TULP4: variants seen among roughly 807,000 people sequenced by gnomAD.
TULP4 encodes the protein tubby-related protein 4.
TULP4 carries 16 observed loss-of-function variants against 129.0 expected under a neutral mutation model. That is an observed-to-expected ratio of 0.12 (90% CI 0.08 to 0.19). TULP4 has a LOEUF of 0.19. Among genes scored for constraint, TULP4 ranks in the 10% least tolerant of loss-of-function variants. TULP4 has a pLI of 1.00. For synonymous variants in TULP4, 998 were observed against 854.0 expected (o/e 1.17, Z -2.94); for missense variants, 1,842 against 2,059.1 (o/e 0.89, Z 2.04).
upstream of TULP4, among the ~76,000 whole-genome samples, chr6:158,277,344 T>TA (rs1263673017): frequency 4.6e-5 from 7 of 152,218 alleles, no homozygotes; most frequent in African/African-American, 1.4e-4. Flanking sequence ...TTGTAGCTAT[T>TA]AAAGAGTATC....
intron 1 of TULP4, among the ~76,000 whole-genome samples, chr6:158,397,594 ATTG>A (rs752395348): frequency 1.3e-5 from 2 of 151,380 alleles, no homozygotes; most frequent in Non-Finnish European, 2.9e-5. Flanking sequence ...GTCATCAGCT[ATTG>A]TTTTTGATGT....
intron 1 of TULP4, among the ~76,000 whole-genome samples, chr6:158,408,801 C>G (rs907814792): frequency 2.0e-5 from 3 of 152,212 alleles, no homozygotes; most frequent in Non-Finnish European, 4.4e-5. Flanking sequence ...GCTTTTGGTT[C>G]GTTAAAATGA....
intron 6 of TULP4, among the ~76,000 whole-genome samples, chr6:158,474,871 G>T (rs1016394772): frequency 1.3e-5 from 2 of 152,088 alleles, no homozygotes; most frequent in Admixed American, 1.3e-4. Flanking sequence ...AGCATTTTGG[G>T]TTTCAGATTT....
At chr6:158,347,262 TATAA>T (rs373869993) in intron 1 of TULP4, among the ~76,000 whole-genome samples, 343 of 152,356 alleles carry the variant, frequency 2.3e-3, no homozygotes, top group Non-Finnish European at 3.7e-3. Flanking sequence ...GTATATTTCA[TATAA>T]ATGAGAACCT....
At chr6:158,415,207 T>A (rs1160552875) in intron 2 of TULP4, among the ~76,000 whole-genome samples, 18 of 152,216 alleles carry the variant, frequency 1.2e-4, no homozygotes, top group Non-Finnish European at 7.3e-5. Context: ...GTGGTGTTAC[T>A]GGTGTGAACA....
At chr6:158,237,836 G>C in intron 1 of TULP4, 2 of 758,904 alleles carry the variant, frequency 2.6e-6, no homozygotes, top group South Asian at 2.7e-5. Context: ...TGTTTACTAA[G>C]AGCTGTGCCT....
intron 1 of TULP4, among the ~76,000 whole-genome samples, chr6:158,303,176 T>A (rs1470230863): frequency 6.6e-6 from 1 of 151,642 alleles, no homozygotes; most frequent in Non-Finnish European, 1.5e-5. Context: ...CTTATCTCCT[T>A]TGTTTAAAAC....
chr6:158,510,303 T>C lies in TULP4; in HGVS notation c.*3609T>C, dbSNP rs1006216957. 6.6e-6 allele frequency: 1 copy of C among 152,362 alleles called. No homozygotes were observed. The highest frequency in any genetic ancestry group is 2.4e-5 in the African/African-American group (1 of 41,464). 9.4% of individuals were successfully genotyped at this position (152,362 alleles called of 1,614,324 possible). On this transcript the variant is annotated 3_prime_UTR_variant, in exon 14 of 14. Coordinates refer to ENST00000367097, the MANE Select transcript of TULP4 (RefSeq NM_020245.5). ...CACAAGGACATGGAAGAATGTGTTA[T>C]GTTCATCTTGTAATCATAGCAAAAA...
chr6:158,254,253 A>G (rs57079786), intron 1 of TULP4, among the ~76,000 whole-genome samples: 3 of 151,998 alleles, frequency 2.0e-5, no homozygotes, highest in Non-Finnish European at 4.4e-5. Flanking sequence ...AATGATTCTC[A>G]TGACTCAGCC....
chr6:158,329,865 C>G (rs1779835596), intron 1 of TULP4, among the ~76,000 whole-genome samples: 1 of 152,072 alleles, frequency 6.6e-6, no homozygotes, highest in South Asian at 2.1e-4. Context: ...GGGAGTCAGG[C>G]TCTGTAATGT....
chr6:158,357,146 G>A (rs997996513), intron 1 of TULP4, among the ~76,000 whole-genome samples: 4 of 152,222 alleles, frequency 2.6e-5, no homozygotes, highest in African/African-American at 4.8e-5. Flanking sequence ...AGCTTCTCCC[G>A]TCTGCAGCAC....
Position 158,444,968 on chromosome 6 carries a change from T to C in TULP4, c.544-4028T>C, listed in dbSNP as rs950129320. Among the ~76,000 whole-genome samples the C allele has an allele frequency of 5.6e-4, 85 of 152,266 alleles. 1 individual carries two copies. The highest frequency in any genetic ancestry group is 1.9e-3 in the African/African-American group (79 of 41,550). On this transcript the variant is annotated intron_variant, in intron 3 of 13. Coordinates refer to ENST00000367097, the MANE Select transcript of TULP4 (RefSeq NM_020245.5). ...CTAGGACTACAGGTGCTCACCACCA[T>C]GGCCTGATACATCTTTTTGTTTTTT... is the stretch of plus-strand genomic sequence containing the variant.
chr6:158,399,799 G>A (rs930627465), intron 1 of TULP4, among the ~76,000 whole-genome samples: 1 of 152,180 alleles, frequency 6.6e-6, no homozygotes, highest in African/African-American at 2.4e-5. Context: ...ATACACATTT[G>A]TCTGACATCA....
chr6:158,282,201 T>G (rs554282612), upstream of TULP4: 1 of 152,322 alleles, frequency 6.6e-6, no homozygotes, highest in South Asian at 2.1e-4. Context: ...ACTTTGAATT[T>G]ATGCTTTTTG....
chr6:158,472,504 A>G (rs990488313), intron 6 of TULP4, among the ~76,000 whole-genome samples: 1 of 152,234 alleles, frequency 6.6e-6, no homozygotes, highest in African/African-American at 2.4e-5. Flanking sequence ...ATTAAAAATC[A>G]AGTACAATAT....
At chr6:158,345,120 A>T (rs1198753874) in intron 1 of TULP4, among the ~76,000 whole-genome samples, 2 of 152,232 alleles carry the variant, frequency 1.3e-5, no homozygotes, top group African/African-American at 4.8e-5. Flanking sequence ...ACTGCAGAAG[A>T]AAAGTTTGTA....
intron 1 of TULP4, among the ~76,000 whole-genome samples, chr6:158,300,660 G>A (rs527377869): frequency 2.6e-4 from 40 of 152,318 alleles, no homozygotes; most frequent in African/African-American, 9.4e-4. Flanking sequence ...AATATTGGCT[G>A]TGCCTTCCCG....
chr6:158,288,302 T>G (rs896430383), intron 1 of TULP4, among the ~76,000 whole-genome samples: 4 of 152,204 alleles, frequency 2.6e-5, no homozygotes, highest in African/African-American at 9.7e-5. Flanking sequence ...TGTTGTCTTC[T>G]GTGGTAGCTC....
At chr6:158,333,707 T>C (rs1441666065) in intron 1 of TULP4, among the ~76,000 whole-genome samples, 1 of 152,176 alleles carries the variant, frequency 6.6e-6, no homozygotes, top group African/African-American at 2.4e-5. Context: ...CTGCATAGCC[T>C]AGAAATATTG....
Sources: gnomAD v4.1 joint callset for allele counts (sites outside exome capture counted in the v4.1 genomes callset) on GRCh38, gnomAD v4.1.1 for gene constraint, MANE v1.5 for transcripts, NCBI Gene and HGNC (gene_info 2026-07-23, HGNC 2026-07-21) for gene names.